Variants in KLHDC1 observed in about 807,000 individuals in gnomAD.
KLHDC1 encodes kelch domain containing 1.
KLHDC1 carries 53 observed loss-of-function variants against 68.3 expected under a neutral mutation model. The observed-to-expected ratio is 0.78, with a 90% CI of 0.62 to 0.98. KLHDC1 has a LOEUF of 0.98. KLHDC1 is among the 50% of genes least tolerant of loss of function. The pLI, the probability that KLHDC1 is intolerant of heterozygous loss-of-function variation, is 0.00. For missense variants in KLHDC1, 470 were observed against 492.3 expected (o/e 0.95, Z 0.43); for synonymous variants, 148 against 159.0 (o/e 0.93, Z 0.52).
chr14:49,709,028 A>G (rs1888131384), intron 1 of KLHDC1, 131 bp from the exon 2 acceptor site: 1 of 508,190 alleles, frequency 2.0e-6, no homozygotes, highest in Admixed American at 4.2e-5. Flanking sequence ...TTTATTTTAT[A>G]TTGAAAAAGA....
intron 8 of KLHDC1, among the ~76,000 whole-genome samples, chr14:49,732,026 G>T (rs1888821481): frequency 6.6e-6 from 1 of 151,822 alleles, no homozygotes; most frequent in South Asian, 2.1e-4. Context: ...ATATCCTTGG[G>T]GAAATCAGCT....
chr14:49,698,360 C>T (rs945477685), intron 1 of KLHDC1, among the ~76,000 whole-genome samples: 3 of 151,990 alleles, frequency 2.0e-5, no homozygotes, highest in African/African-American at 4.8e-5. Flanking sequence ...CACACCACCA[C>T]GCCCAACTAC....
chr14:49,693,318 A>C (rs556166615), intron 1 of KLHDC1, 28 bp downstream of exon 1: 3 of 1,423,050 alleles, frequency 2.1e-6, no homozygotes, highest in South Asian at 2.9e-5. Flanking sequence ...GACGGGGTAG[A>C]CTCGCGCCGG....
chr14:49,698,381 C>G (rs1266282020), intron 1 of KLHDC1, among the ~76,000 whole-genome samples: 3 of 149,868 alleles, frequency 2.0e-5, no homozygotes, highest in African/African-American at 4.9e-5. Context: ...TTTTTGTATT[C>G]TTAGTACAGG....
intron 4 of KLHDC1, among the ~76,000 whole-genome samples, chr14:49,723,006 G>A (rs534562293): frequency 2.9e-4 from 41 of 142,028 alleles, no homozygotes; most frequent in Non-Finnish European, 5.5e-4. Flanking sequence ...AGATTCACTC[G>A]AACCCGGGAG....
At chr14:49,715,541 G>A (rs1459535330) in intron 4 of KLHDC1, among the ~76,000 whole-genome samples, 1 of 150,908 alleles carries the variant, frequency 6.6e-6, no homozygotes, top group Non-Finnish European at 1.5e-5. Flanking sequence ...GAGGTCAGGA[G>A]TTCGAGACCA....
chr14:49,726,326 T>C (rs950783920), intron 6 of KLHDC1, among the ~76,000 whole-genome samples: 1 of 152,172 alleles, frequency 6.6e-6, no homozygotes, highest in Non-Finnish European at 1.5e-5. Flanking sequence ...GGCTGTAGTG[T>C]GCTACAATCA....
intron 11 of KLHDC1, among the ~76,000 whole-genome samples, chr14:49,742,672 T>TAA (rs373370360): frequency 9.9e-4 from 71 of 72,062 alleles, no homozygotes; most frequent in Non-Finnish European, 1.7e-3. Flanking sequence ...GACTCCGTCC[T>TAA]AAAAAAAAAA....
chr14:49,741,079 G>A (rs1298116991), intron 11 of KLHDC1, among the ~76,000 whole-genome samples: 1 of 152,094 alleles, frequency 6.6e-6, no homozygotes, highest in East Asian at 1.9e-4. Context: ...GGGTGACAGA[G>A]CGAGACCCTG....
At chr14:49,716,510 A>G (rs148582510) in intron 4 of KLHDC1, among the ~76,000 whole-genome samples, 247 of 151,970 alleles carry the variant, frequency 1.6e-3, no homozygotes, top group Non-Finnish European at 3.0e-3. Flanking sequence ...CAGCCTCCCA[A>G]GTAGCTGGGG....
rs1019888257 is a variant in KLHDC1 at position 49,751,988 on chromosome 14, C to T, written c.*216C>T. ...ACAAATTTCCTTACAAACTGCAGAA[C>T]AAATATTCTTTCTGAAAGTAAGTAC... On this transcript the variant is annotated 3_prime_UTR_variant, in exon 13 of 13. Transcript: ENST00000359332. 1.9e-4 allele frequency: 51 copies of T among 275,580 alleles called. No homozygotes were observed. The highest frequency in any genetic ancestry group is 2.7e-4 in the Non-Finnish European group (39 of 146,726). The allele number at this position is 275,580 out of a possible 1,614,324, so 17.1% of individuals were successfully genotyped here.
intron 11 of KLHDC1, among the ~76,000 whole-genome samples, chr14:49,740,562 A>T (rs1041956189): frequency 1.3e-5 from 2 of 151,788 alleles, no homozygotes; most frequent in African/African-American, 4.8e-5. Context: ...GATGGTCTTG[A>T]TCTCCTGACC....
At chr14:49,749,416 C>G (rs1889274163) in intron 12 of KLHDC1, among the ~76,000 whole-genome samples, 2 of 151,816 alleles carry the variant, frequency 1.3e-5, no homozygotes, top group Admixed American at 1.3e-4. Context: ...ACCTGTAATC[C>G]CAGCACTTTG....
intron 11 of KLHDC1, among the ~76,000 whole-genome samples, chr14:49,743,394 C>T (rs1267423154): frequency 4.5e-5 from 6 of 132,520 alleles, no homozygotes; most frequent in Admixed American, 2.4e-4. Context: ...AGCAGGACTC[C>T]ATCTCAAAAA....
In KLHDC1 at chr14:49,693,128, C is replaced by G; in HGVS notation, c.-67C>G. The G allele has an allele frequency of 7.2e-7, 1 of 1,388,338 alleles. No homozygotes were observed. The highest frequency in any genetic ancestry group is 1.3e-5 in the South Asian group (1 of 78,316). 86.0% of individuals were successfully genotyped at this position (1,388,338 alleles called of 1,614,324 possible). A position where few individuals can be genotyped will look rare whatever the true frequency, so the allele number is the denominator to read the frequency against. ...CCGTTCGTGCGTGGAGCAGTCGGGG[C>G]TGGAGGCGAGGCCGCCGGGCGGGCA... On this transcript the variant is annotated 5_prime_UTR_variant, in exon 1 of 13. Transcript: ENST00000359332.
At chr14:49,697,182 G>A (rs1171513679) in intron 1 of KLHDC1, among the ~76,000 whole-genome samples, 4 of 152,154 alleles carry the variant, frequency 2.6e-5, no homozygotes, top group Non-Finnish European at 5.9e-5. Flanking sequence ...TGATCCGCCC[G>A]CCTCGGCCTC....
intron 10 of KLHDC1, among the ~76,000 whole-genome samples, chr14:49,739,820 G>A (rs1889016882): frequency 6.6e-6 from 1 of 152,158 alleles, no homozygotes; most frequent in Non-Finnish European, 1.5e-5. Flanking sequence ...GGAGACCGAG[G>A]CAGGAGGATT....
At chr14:49,694,841 G>A (rs187465712) in intron 1 of KLHDC1, among the ~76,000 whole-genome samples, 1 of 152,310 alleles carries the variant, frequency 6.6e-6, no homozygotes, top group Non-Finnish European at 1.5e-5. Flanking sequence ...GCGACAGAGC[G>A]AGACTCCGTC....
intron 9 of KLHDC1, 75 bp from the exon 10 acceptor site, chr14:49,734,514 T>C: frequency 2.5e-6 from 2 of 805,254 alleles, no homozygotes; most frequent in Non-Finnish European, 4.0e-6. Flanking sequence ...AAATGTAGCA[T>C]GATAAATTGG....
Sources: gnomAD v4.1 joint callset for allele counts (sites outside exome capture counted in the v4.1 genomes callset) on GRCh38, gnomAD v4.1.1 for gene constraint, MANE v1.5 for transcripts, NCBI Gene and HGNC (gene_info 2026-07-23, HGNC 2026-07-21) for gene names.